Variants in MME observed in about 807,000 individuals in gnomAD.
MME encodes the protein neprilysin.
Under a neutral mutation model 113.2 loss-of-function variants are expected in MME, and 98 were observed. The observed-to-expected ratio is 0.87, with a 90% CI of 0.74 to 1.02. MME has a LOEUF of 1.02. Ranked by LOEUF, MME falls within the 50% of genes least tolerant of loss-of-function variation. The pLI, the probability that MME is intolerant of heterozygous loss-of-function variation, is 0.00. For missense variants in MME, 836 were observed against 896.0 expected (o/e 0.93, Z 0.86); for synonymous variants, 292 against 300.6 (o/e 0.97, Z 0.30).
chr3:155,030,658 A>G (rs1712941029), intron 1 of MME, among the ~76,000 whole-genome samples: 1 of 152,214 alleles, frequency 6.6e-6, no homozygotes, highest in South Asian at 2.1e-4. Context: ...ATAATAAGCT[A>G]GGCATCTCCA....
At chr3:155,056,684 G>C (rs573184444) in intron 1 of MME, among the ~76,000 whole-genome samples, 1 of 152,044 alleles carries the variant, frequency 6.6e-6, no homozygotes. Flanking sequence ...GTCCTTTGGG[G>C]ATATACCCAG....
chr3:155,145,681 G>GT (rs1721448742), intron 14 of MME, among the ~76,000 whole-genome samples: 1 of 152,046 alleles, frequency 6.6e-6, no homozygotes, highest in Non-Finnish European at 1.5e-5. Context: ...ATTTTTAATT[G>GT]TAAGAAGTCC....
At chr3:155,136,222 G>C (rs1463004253) in intron 8 of MME, among the ~76,000 whole-genome samples, 2 of 152,080 alleles carry the variant, frequency 1.3e-5, no homozygotes, top group Admixed American at 6.6e-5. Flanking sequence ...TCGTGTTTCT[G>C]TTCTCAAGGG....
At chr3:155,067,544 C>T (rs1714423686) in intron 1 of MME, among the ~76,000 whole-genome samples, 2 of 151,784 alleles carry the variant, frequency 1.3e-5, no homozygotes, top group African/African-American at 2.4e-5. Context: ...CTCCTGACCT[C>T]GTGATCTGCC....
intron 22 of MME, among the ~76,000 whole-genome samples, chr3:155,172,924 T>C (rs988856153): frequency 6.6e-6 from 1 of 152,032 alleles, no homozygotes; most frequent in Non-Finnish European, 1.5e-5. Context: ...AACAAAGATA[T>C]TTCTAAGAGG....
chr3:155,143,707 G>C, intron 13 of MME, 136 bp downstream of exon 13: 1 of 1,045,030 alleles, frequency 9.6e-7, no homozygotes, highest in Non-Finnish European at 1.4e-6. Flanking sequence ...ATCATAATAT[G>C]CCATTGTTTC....
Position 155,147,213 on chromosome 3 carries a change from G to A in MME, c.1486G>A (p.Glu496Lys). 6.3e-7 allele frequency: 1 copy of A among 1,594,982 alleles called. No individual in the cohort carries two copies. The highest frequency in any genetic ancestry group is 8.6e-7 in the Non-Finnish European group (1 of 1,162,854). Residue 496 changes from glutamate (E) to lysine (K), a missense_variant, in exon 15 of 23, where the codon GAG (glutamate) becomes AAG (lysine). Coordinates refer to ENST00000360490, the MANE Select transcript of MME (RefSeq NM_007289.4). ...IVSNDNKLNNEYLELNYKEDE... is the reference protein window; with the variant it reads ...IVSNDNKLNNKYLELNYKEDE... The stretch of plus-strand genomic sequence containing the variant: ...TTCAAATGATAACAAACTGAATAAT[G>A]AGTACCTCGAGGTAAGTCTCTATAA...
Position 155,115,132 on chromosome 3 carries a change from A to G in MME, c.335A>G (p.Asp112Gly), listed in dbSNP as rs1409620468. ...SRYGNFDILR[D>G]ELEVVLKDVL... ...TACGGCAACTTTGACATTTTAAGAG[A>G]TGAACTAGAAGTCGTTTTGAAAGGT... The change falls in exon 4 of 23, where the codon GAT (aspartate) becomes GGT (glycine). Residue 112 changes from aspartate to glycine, a missense_variant. Physicochemically the swap from Asp to Gly is moderately conservative, Grantham distance 94. Coordinates refer to ENST00000360490, the MANE Select transcript of MME (RefSeq NM_007289.4). The G allele has an allele frequency of 3.7e-6, 6 of 1,614,140 alleles. No homozygotes were observed. Among genetic ancestry groups the G allele is most frequent in the Admixed American group, 3.3e-5 (2 of 60,014 alleles).
chr3:155,049,355 T>G (rs530538061), intron 1 of MME, among the ~76,000 whole-genome samples: 1 of 152,184 alleles, frequency 6.6e-6, no homozygotes, highest in African/African-American at 2.4e-5. Flanking sequence ...TAAAGATCAA[T>G]GTACAGACTG....
chr3:155,028,609 C>T (rs1712863494), intron 1 of MME, among the ~76,000 whole-genome samples: 1 of 152,130 alleles, frequency 6.6e-6, no homozygotes, highest in Admixed American at 6.6e-5. Flanking sequence ...GCAGACTTTT[C>T]CAAGTCTTGT....
intron 1 of MME, among the ~76,000 whole-genome samples, chr3:155,025,309 G>A (rs940400827): frequency 5.3e-5 from 8 of 152,098 alleles, no homozygotes; most frequent in Non-Finnish European, 1.0e-4. Flanking sequence ...TGGTGTCAGG[G>A]TGCACAGTAA....
chr3:155,077,836 C>G (rs1273747911), upstream of MME, among the ~76,000 whole-genome samples: 2 of 151,994 alleles, frequency 1.3e-5, no homozygotes, highest in African/African-American at 2.4e-5. Context: ...AAGTCAGAGT[C>G]TAAAATTAAC....
chr3:155,066,756 T>TG (rs1383208273), intron 1 of MME, among the ~76,000 whole-genome samples: 1 of 152,180 alleles, frequency 6.6e-6, no homozygotes, highest in African/African-American at 2.4e-5. Context: ...AATTCTAGCT[T>TG]GGTACTCTCA....
At chr3:155,105,460 T>G (rs556887719) in intron 3 of MME, among the ~76,000 whole-genome samples, 8 of 152,320 alleles carry the variant, frequency 5.3e-5, no homozygotes, top group African/African-American at 1.9e-4. Flanking sequence ...TTTAGTTGAA[T>G]TCCTTAAATT....
At chr3:155,112,538 G>A (rs1718274338) in intron 3 of MME, 1 of 152,184 alleles carries the variant, frequency 6.6e-6, no homozygotes, top group South Asian at 2.1e-4. Flanking sequence ...GGATGGTATT[G>A]AAAACTTTGG....
At chr3:155,126,214 A>G (rs1347051596) in intron 8 of MME, among the ~76,000 whole-genome samples, 1 of 152,208 alleles carries the variant, frequency 6.6e-6, no homozygotes, top group African/African-American at 2.4e-5. Flanking sequence ...TTTCTGTTAC[A>G]GATTTGAAAG....
At chr3:155,148,683 A>G in intron 16 of MME, 30 bp downstream of exon 16, 3 of 1,487,828 alleles carry the variant, frequency 2.0e-6, no homozygotes, top group Admixed American at 3.4e-5. Flanking sequence ...TAATGTGATC[A>G]TCTAGAAGCA....
chr3:155,172,424 T>C (rs1712075003), intron 21 of MME, 112 bp from the exon 22 acceptor site: 2 of 918,360 alleles, frequency 2.2e-6, no homozygotes, highest in Admixed American at 3.5e-5. Context: ...AGCGAATGGT[T>C]GAGGAATGCA....
At chr3:155,158,326 T>C (rs1348700667) in intron 16 of MME, 1 of 152,238 alleles carries the variant, frequency 6.6e-6, no homozygotes, top group African/African-American at 2.4e-5. Context: ...GGGACCTAGA[T>C]ACCTGTTAAA....
Sources: gnomAD v4.1 joint callset for allele counts (sites outside exome capture counted in the v4.1 genomes callset) on GRCh38, gnomAD v4.1.1 for gene constraint, MANE v1.5 for transcripts, NCBI Gene and HGNC (gene_info 2026-07-23, HGNC 2026-07-21) for gene names.